OSBPL8: variants seen among roughly 807,000 people sequenced by gnomAD.
OSBPL8 encodes oxysterol-binding protein-related protein 8.
Under a neutral mutation model 125.5 loss-of-function variants are expected in OSBPL8, and 59 were observed. The observed-to-expected ratio is 0.47, with a 90% CI of 0.38 to 0.58. The LOEUF is 0.58. Among genes scored for constraint, OSBPL8 ranks in the 20% least tolerant of loss-of-function variants. OSBPL8 has a pLI of 0.00. For missense variants in OSBPL8, 758 were observed against 1,047.8 expected (o/e 0.72, Z 3.82); for synonymous variants, 330 against 338.9 (o/e 0.97, Z 0.29).
rs1031444771 is a variant in OSBPL8 at position 76,354,852 on chromosome 12, A to G, written c.*1037T>C. ...ACTTATTACACGTTTTACAGAAACC[A>G]ATTTTAATGCACACATAAAGGCCAC... On this transcript the variant is annotated 3_prime_UTR_variant, in exon 24 of 24. Coordinates refer to ENST00000261183, the MANE Select transcript of OSBPL8 (RefSeq NM_020841.5). 2.6e-5 allele frequency: 4 copies of G among 152,074 alleles called. No individual in the cohort carries two copies. Among genetic ancestry groups the G allele is most frequent in the Non-Finnish European group, 4.4e-5 (3 of 67,890 alleles). 9.4% of individuals were successfully genotyped at this position (152,074 alleles called of 1,614,324 possible).
At chr12:76,360,642 C>A (rs530319915) in intron 21 of OSBPL8, among the ~76,000 whole-genome samples, 57 of 152,334 alleles carry the variant, frequency 3.7e-4, no homozygotes, top group Non-Finnish European at 6.0e-4. Flanking sequence ...CGTGCCCCTG[C>A]AGCAATCTTT....
At chr12:76,496,926 A>C (rs1275733960) in intron 1 of OSBPL8, among the ~76,000 whole-genome samples, 1 of 151,156 alleles carries the variant, frequency 6.6e-6, no homozygotes, top group Non-Finnish European at 1.5e-5. Context: ...CAATCCTCTC[A>C]CTTCAGCCTC....
chr12:76,369,386 T>C, intron 20 of OSBPL8, 85 bp from the exon 21 acceptor site: 1 of 1,480,162 alleles, frequency 6.8e-7, no homozygotes, highest in Non-Finnish European at 8.9e-7. Context: ...TCCAATTTTA[T>C]TAATAATTAT....
chr12:76,389,638 T>C lies in OSBPL8; in HGVS notation c.1352+7A>G, dbSNP rs199946920. 1.1e-4 allele frequency: 170 copies of C among 1,525,688 alleles called. No individual in the cohort carries two copies. Among genetic ancestry groups the C allele is most frequent in the Middle Eastern group, 1.8e-4 (1 of 5,690 alleles). 94.5% of individuals were successfully genotyped at this position (1,525,688 alleles called of 1,614,324 possible). ...TTGTCTATTTTAAGAAATAAGAATCTACTTACTCAGATAGGAAATCTGCAT... is the reference window on the plus strand; with the variant it reads ...TTGTCTATTTTAAGAAATAAGAATCCACTTACTCAGATAGGAAATCTGCAT... On this transcript the variant is annotated splice_region_variant and intron_variant, in intron 12 of 23. Transcript: ENST00000261183.
intron 12 of OSBPL8, among the ~76,000 whole-genome samples, chr12:76,388,186 T>C (rs1425920543): frequency 6.6e-6 from 1 of 152,206 alleles, no homozygotes; most frequent in African/African-American, 2.4e-5. Context: ...ATATCTAATG[T>C]TTTATTATTA....
chr12:76,373,300 C>T (rs1394583340), intron 18 of OSBPL8, 44 bp downstream of exon 18: 4 of 1,234,372 alleles, frequency 3.2e-6, no homozygotes, highest in Non-Finnish European at 3.4e-6. Context: ...TTTTTTCCCA[C>T]AGAATAAAAT....
At chr12:76,551,790 A>G (rs1296068783) in intron 1 of OSBPL8, among the ~76,000 whole-genome samples, 2 of 152,192 alleles carry the variant, frequency 1.3e-5, no homozygotes, top group Admixed American at 6.5e-5. Context: ...ATATTATTAC[A>G]GTCTCGACTA....
chr12:76,539,102 A>G (rs1950572633), intron 1 of OSBPL8, among the ~76,000 whole-genome samples: 2 of 151,040 alleles, frequency 1.3e-5, no homozygotes, highest in Non-Finnish European at 3.0e-5. Flanking sequence ...TAGGGTAGGA[A>G]GTATATTTTG....
At chr12:76,519,850 C>T (rs1474809424) in intron 1 of OSBPL8, among the ~76,000 whole-genome samples, 3 of 152,106 alleles carry the variant, frequency 2.0e-5, no homozygotes. Context: ...GGAGATGGCG[C>T]TAAACCATTC....
intron 21 of OSBPL8, among the ~76,000 whole-genome samples, chr12:76,364,993 TCA>T (rs1218551365): frequency 1.4e-3 from 217 of 152,324 alleles, no homozygotes; most frequent in Admixed American, 3.7e-3. Flanking sequence ...AGACAGGGTC[TCA>T]CTCTGTCTCC....
intron 4 of OSBPL8, among the ~76,000 whole-genome samples, chr12:76,426,468 T>C (rs1313133466): frequency 6.6e-6 from 1 of 152,062 alleles, no homozygotes; most frequent in African/African-American, 2.4e-5. Context: ...TATGCATACA[T>C]GATGGTAACA....
At chr12:76,471,628 T>C (rs993641120) in intron 2 of OSBPL8, among the ~76,000 whole-genome samples, 5 of 152,168 alleles carry the variant, frequency 3.3e-5, no homozygotes, top group East Asian at 3.9e-4. Context: ...AACAACATGG[T>C]TGAGTCACTT....
chr12:76,507,939 G>A (rs1205143319), intron 1 of OSBPL8, among the ~76,000 whole-genome samples: 1 of 149,708 alleles, frequency 6.7e-6, no homozygotes, highest in Non-Finnish European at 1.5e-5. Context: ...GGGAGGCTGA[G>A]GCAGGCAGAT....
chr12:76,425,079 T>C (rs939701663), intron 4 of OSBPL8, among the ~76,000 whole-genome samples: 1 of 152,112 alleles, frequency 6.6e-6, no homozygotes, highest in Non-Finnish European at 1.5e-5. Flanking sequence ...AGATAGGCTA[T>C]TTACGTCAAC....
At chr12:76,452,846 C>T (rs1449005604) in intron 3 of OSBPL8, among the ~76,000 whole-genome samples, 1 of 152,142 alleles carries the variant, frequency 6.6e-6, no homozygotes, top group East Asian at 1.9e-4. Context: ...TTATCTCTTG[C>T]TCTTTCTACC....
At chr12:76,531,041 G>A (rs1950325806) in intron 1 of OSBPL8, among the ~76,000 whole-genome samples, 1 of 152,126 alleles carries the variant, frequency 6.6e-6, no homozygotes, top group Non-Finnish European at 1.5e-5. Context: ...GCCCGAGACT[G>A]GGTGATTTAT....
At chr12:76,541,500 T>A (rs1429373490) in intron 1 of OSBPL8, among the ~76,000 whole-genome samples, 3 of 151,582 alleles carry the variant, frequency 2.0e-5, no homozygotes, top group African/African-American at 4.8e-5. Context: ...TAATAATAAT[T>A]AAATAATAAA....
At chr12:76,496,524 C>T (rs1359658658) in intron 1 of OSBPL8, among the ~76,000 whole-genome samples, 3 of 151,892 alleles carry the variant, frequency 2.0e-5, no homozygotes, top group African/African-American at 7.3e-5. Flanking sequence ...CAGGCATGCA[C>T]CACCAGACCT....
At chr12:76,499,893 A>G (rs1010394943) in intron 1 of OSBPL8, among the ~76,000 whole-genome samples, 1 of 151,864 alleles carries the variant, frequency 6.6e-6, no homozygotes, top group African/African-American at 2.4e-5. Flanking sequence ...TCCATTGCCC[A>G]TAATGCTCAA....
Sources: gnomAD v4.1 joint callset for allele counts (sites outside exome capture counted in the v4.1 genomes callset) on GRCh38, gnomAD v4.1.1 for gene constraint, MANE v1.5 for transcripts, NCBI Gene and HGNC (gene_info 2026-07-23, HGNC 2026-07-21) for gene names.